PSD3: variants seen among roughly 807,000 people sequenced by gnomAD.
The protein encoded by PSD3 is pleckstrin and Sec7 domain containing 3, also known as PH and SEC7 domain-containing protein 3.
PSD3 carries 49 observed loss-of-function variants against 105.5 expected under a neutral mutation model. That is an observed-to-expected ratio of 0.46 (90% CI 0.37 to 0.59). The LOEUF is 0.59. Among genes scored for constraint, PSD3 ranks in the 20% least tolerant of loss-of-function variants. The pLI is 0.00. For missense variants in PSD3, 1,561 were observed against 1,263.8 expected, an observed-to-expected ratio of 1.24 and a Z score of -3.57; for synonymous variants, 557 against 457.8, an observed-to-expected ratio of 1.22 and a Z score of -2.77.
chr8:18,907,035 T>C (rs939218725), intron 2 of PSD3, among the ~76,000 whole-genome samples: 4 of 152,224 alleles, frequency 2.6e-5, no homozygotes, highest in Non-Finnish European at 4.4e-5. Flanking sequence ...TTAGCATAGT[T>C]GTACAATGTA....
intron 2 of PSD3, among the ~76,000 whole-genome samples, chr8:18,882,009 A>G (rs1194162461): frequency 6.6e-6 from 1 of 152,102 alleles, no homozygotes; most frequent in Non-Finnish European, 1.5e-5. Flanking sequence ...GGAGTTCAAG[A>G]CCATCCTGGG....
intron 2 of PSD3, among the ~76,000 whole-genome samples, chr8:18,892,313 T>C (rs1198254532): frequency 6.6e-6 from 1 of 151,904 alleles, no homozygotes; most frequent in East Asian, 1.9e-4. Context: ...AAGCTCTGCC[T>C]CCTGGGTTCA....
chr8:18,650,608 T>C (rs966062357), intron 10 of PSD3, among the ~76,000 whole-genome samples: 3 of 152,224 alleles, frequency 2.0e-5, no homozygotes, highest in African/African-American at 7.2e-5. Flanking sequence ...TCTCATGTTG[T>C]GTTCTCATTA....
chr8:18,911,407 G>A (rs1586399496), intron 2 of PSD3, among the ~76,000 whole-genome samples: 1 of 152,188 alleles, frequency 6.6e-6, no homozygotes, highest in South Asian at 2.1e-4. Flanking sequence ...AGGATATGGT[G>A]GAGAGACAGC....
intron 15 of PSD3, among the ~76,000 whole-genome samples, chr8:18,544,844 TCAGTGCC>T (rs1414310080): frequency 6.6e-6 from 1 of 152,132 alleles, no homozygotes; most frequent in Non-Finnish European, 1.5e-5. Context: ...ATCTTACTCT[TCAGTGCC>T]CCTACGGAGT....
At chr8:18,823,534 G>T (rs1321659322) in intron 4 of PSD3, among the ~76,000 whole-genome samples, 1 of 152,078 alleles carries the variant, frequency 6.6e-6, no homozygotes. Flanking sequence ...TGCCACAAGA[G>T]ATCCTGAATT....
At chr8:18,987,237 G>T (rs1244945746) in intron 1 of PSD3, among the ~76,000 whole-genome samples, 1 of 151,114 alleles carries the variant, frequency 6.6e-6, no homozygotes, top group East Asian at 1.9e-4. Context: ...AAACTACCAG[G>T]AAATAAATGA....
chr8:18,870,878 T>C (rs1387133195), intron 3 of PSD3, among the ~76,000 whole-genome samples: 1 of 152,062 alleles, frequency 6.6e-6, no homozygotes, highest in Non-Finnish European at 1.5e-5. Flanking sequence ...GGTGGGAGGA[T>C]CACTTGATGC....
intron 1 of PSD3, among the ~76,000 whole-genome samples, chr8:18,981,637 A>C (rs1031344022): frequency 1.4e-5 from 2 of 141,834 alleles, no homozygotes; most frequent in Non-Finnish European, 3.2e-5. Flanking sequence ...ACAATAAAGC[A>C]AACATCACAA....
At chr8:18,579,723 A>G (rs1460112085) in intron 12 of PSD3, among the ~76,000 whole-genome samples, 1 of 152,188 alleles carries the variant, frequency 6.6e-6, no homozygotes, top group Non-Finnish European at 1.5e-5. Context: ...AGTCTGAAAA[A>G]TTGTACTTTC....
chr8:18,715,045 C>T (rs1487313837), intron 9 of PSD3, among the ~76,000 whole-genome samples: 1 of 152,212 alleles, frequency 6.6e-6, no homozygotes, highest in African/African-American at 2.4e-5. Context: ...AAACCAAACA[C>T]TGCATGTTCT....
chr8:18,814,893 TGGGCAGCAAA>T (rs1285581880), intron 4 of PSD3, among the ~76,000 whole-genome samples: 1 of 152,198 alleles, frequency 6.6e-6, no homozygotes, highest in East Asian at 1.9e-4. Context: ...CATCAGAAGC[TGGGCAGCAAA>T]AGGCGGCACA....
At chr8:18,911,547 CTG>C (rs1466699993) in intron 2 of PSD3, among the ~76,000 whole-genome samples, 1 of 152,092 alleles carries the variant, frequency 6.6e-6, no homozygotes, top group East Asian at 1.9e-4. Flanking sequence ...AGGGGAGAAA[CTG>C]TATCAGAAGA....
At chr8:19,002,153 G>A (rs1427661867) in intron 1 of PSD3, among the ~76,000 whole-genome samples, 1 of 152,024 alleles carries the variant, frequency 6.6e-6, no homozygotes, top group Non-Finnish European at 1.5e-5. Context: ...TTCCTTCTTA[G>A]AACTGCTAAA....
intron 1 of PSD3, among the ~76,000 whole-genome samples, chr8:18,984,780 A>G (rs1008329310): frequency 6.6e-6 from 1 of 152,228 alleles, no homozygotes; most frequent in African/African-American, 2.4e-5. Context: ...ACTTCTGCCA[A>G]CCTGACTGTG....
At chr8:18,648,285 G>A (rs541540039) in intron 10 of PSD3, among the ~76,000 whole-genome samples, 16 of 152,304 alleles carry the variant, frequency 1.1e-4, no homozygotes, top group South Asian at 2.1e-4. Flanking sequence ...TGCTGATAGT[G>A]ATACGGACAA....
At chr8:18,572,270 C>T (rs542813586) in intron 14 of PSD3, among the ~76,000 whole-genome samples, 4 of 152,306 alleles carry the variant, frequency 2.6e-5, no homozygotes, top group African/African-American at 9.6e-5. Context: ...TCAAGTATTG[C>T]TCATAATGAA....
chr8:18,815,978 T>C (rs903559079), intron 4 of PSD3, among the ~76,000 whole-genome samples: 2 of 152,150 alleles, frequency 1.3e-5, no homozygotes, highest in Non-Finnish European at 2.9e-5. Flanking sequence ...CTGGCAAGAA[T>C]ACAAGGAGTA....
At chr8:18,538,809 C>T (rs1799977748) in intron 15 of PSD3, among the ~76,000 whole-genome samples, 1 of 152,138 alleles carries the variant, frequency 6.6e-6, no homozygotes, top group Non-Finnish European at 1.5e-5. Context: ...AAGCTATTGT[C>T]TTAAATAAAT....
Sources: allele counts gnomAD v4.1 joint callset (sites outside exome capture counted in the v4.1 genomes callset), GRCh38; gene constraint gnomAD v4.1.1; transcripts MANE v1.5; gene names NCBI Gene and HGNC (gene_info 2026-07-23, HGNC 2026-07-21).